Variants in OR2A12 observed in about 807,000 individuals in gnomAD.
OR2A12 encodes the protein olfactory receptor family 2 subfamily A member 12.
For missense variants in OR2A12, 380 were observed against 372.5 expected (o/e 1.02, Z -0.17); for synonymous variants, 153 against 149.3 (o/e 1.02, Z -0.18).
At chr7:144,090,191 G>GT (rs35288486) in intron 1 of OR2A12, among the ~76,000 whole-genome samples, 32,311 of 151,914 alleles carry the variant, frequency 0.21, 4,029 homozygotes, top group African/African-American at 0.34. Flanking sequence ...TTAGATCATT[G>GT]CTTTTACCTT....
chr7:144,093,769 T>G (rs1388015077), intron 1 of OR2A12, among the ~76,000 whole-genome samples: 1 of 151,674 alleles, frequency 6.6e-6, no homozygotes, highest in Non-Finnish European at 1.5e-5. Context: ...AGAATGATGG[T>G]TTCCAGCTTC....
intron 1 of OR2A12, among the ~76,000 whole-genome samples, chr7:144,094,732 A>G (rs887774807): frequency 7.2e-5 from 11 of 152,180 alleles, no homozygotes; most frequent in African/African-American, 2.7e-4. Flanking sequence ...GAAAATAAAG[A>G]TTGGTGAAAA....
chr7:144,091,482 G>A (rs1441122696), intron 1 of OR2A12, among the ~76,000 whole-genome samples: 2 of 152,204 alleles, frequency 1.3e-5, no homozygotes, highest in Admixed American at 1.3e-4. Context: ...CACCAACAGT[G>A]TATAAGTGTT....
chr7:144,089,309 C>T (rs982803283), intron 1 of OR2A12, among the ~76,000 whole-genome samples: 1 of 149,754 alleles, frequency 6.7e-6, no homozygotes, highest in East Asian at 1.9e-4. Flanking sequence ...TGGGGGTGTG[C>T]GTGTGCATGT....
intron 1 of OR2A12, among the ~76,000 whole-genome samples, chr7:144,092,776 TG>T (rs1165369240): frequency 6.6e-6 from 1 of 152,140 alleles, no homozygotes; most frequent in African/African-American, 2.4e-5. Flanking sequence ...AAATGAGTAA[TG>T]AAAAAAATGA....
At chr7:144,087,945 T>A (rs1308319118) in intron 1 of OR2A12, among the ~76,000 whole-genome samples, 1 of 152,224 alleles carries the variant, frequency 6.6e-6, no homozygotes, top group African/African-American at 2.4e-5. Context: ...CGACACAGCA[T>A]AATATTATTT....
chr7:144,092,129 T>G (rs976962437), intron 1 of OR2A12, among the ~76,000 whole-genome samples: 15 of 152,158 alleles, frequency 9.9e-5, no homozygotes, highest in Non-Finnish European at 1.8e-4. Flanking sequence ...CATTGCTTTT[T>G]TCAGTCAGCT....
chr7:144,093,475 T>C (rs1247184624), intron 1 of OR2A12, among the ~76,000 whole-genome samples: 4 of 152,102 alleles, frequency 2.6e-5, no homozygotes, highest in African/African-American at 7.2e-5. Flanking sequence ...AATTGTGTGT[T>C]ATATTTCTCT....
chr7:144,094,915 G>T, intron 1 of OR2A12, 142 bp from the exon 2 acceptor site: 1 of 499,670 alleles, frequency 2.0e-6, no homozygotes, highest in Middle Eastern at 5.1e-4. Flanking sequence ...AATAACTACA[G>T]ATTTTAAATA....
intron 1 of OR2A12, 39 bp from the exon 2 acceptor site, chr7:144,095,018 A>G (rs2051251112): frequency 2.4e-6 from 2 of 844,392 alleles, no homozygotes; most frequent in South Asian, 1.8e-5. Context: ...CATAAAATTC[A>G]TGCTCTATAA....
intron 1 of OR2A12, among the ~76,000 whole-genome samples, chr7:144,091,798 G>T (rs1203017075): frequency 6.6e-6 from 1 of 151,974 alleles, no homozygotes; most frequent in African/African-American, 2.4e-5. Flanking sequence ...CCATTCTGTA[G>T]ATTGTCTATC....
intron 1 of OR2A12, among the ~76,000 whole-genome samples, chr7:144,089,367 TGTTA>T (rs1327786719): frequency 6.6e-6 from 1 of 152,078 alleles, no homozygotes; most frequent in East Asian, 1.9e-4. Context: ...TGTGTGTGTG[TGTTA>T]GAGAGAAAAA....
In OR2A12 at chr7:144,095,819, T is replaced by G; in HGVS notation, c.712T>G (p.Ser238Ala). The G allele has an allele frequency of 6.2e-7, 1 of 1,614,170 alleles. No individual in the cohort carries two copies. Among genetic ancestry groups the G allele is most frequent in the Non-Finnish European group, 8.5e-7 (1 of 1,180,024 alleles). The stretch of plus-strand genomic sequence containing the variant: ...TGGGGAGGGCCGCAGAAAGGCCTTC[T>G]CTACCTGCTCCTCCCACCTCTGCGT... ...QSGEGRRKAF[S>A]TCSSHLCVVG... The change falls in exon 2 of 2, where the codon TCT (serine) becomes GCT (alanine). Residue 238 changes from serine (S) to alanine (A), a missense_variant. Ser to Ala is a moderately conservative substitution (Grantham distance 99). Coordinates refer to ENST00000641592, the MANE Select transcript of OR2A12 (RefSeq NM_001004135.2).
At position 144,096,141 on chromosome 7, in the gene OR2A12, T is replaced by C. The variant is rs926746950; in HGVS notation, c.*101T>C. Reference sequence around the variant, plus strand: ...TTTAATTTACCACACCCAATACTGTTTATCTTTAGACTTCTTATAAAAAGA... The same window carrying C: ...TTTAATTTACCACACCCAATACTGTCTATCTTTAGACTTCTTATAAAAAGA... On this transcript the variant is annotated 3_prime_UTR_variant, in exon 2 of 2. Transcript: ENST00000641592. 5 of 871,794 alleles carry C rather than the reference T, an allele frequency of 5.7e-6. No individual in the cohort carries two copies. In the Admixed American group the frequency reaches 7.2e-5, roughly 13 times the overall value. The allele number at this position is 871,794 out of a possible 1,614,324, so 54.0% of individuals were successfully genotyped here. A position where few individuals can be genotyped will look rare whatever the true frequency, so the allele number is the denominator to read the frequency against.
chr7:144,089,575 T>G (rs2051214325), intron 1 of OR2A12, among the ~76,000 whole-genome samples: 1 of 152,190 alleles, frequency 6.6e-6, no homozygotes, highest in African/African-American at 2.4e-5. Context: ...TGCTTTTTTT[T>G]CTTTTTTGGC....
Position 144,096,002 on chromosome 7 carries a change from G to A in OR2A12, c.895G>A (p.Ala299Thr), listed in dbSNP as rs746478286. 5 of 1,607,254 alleles carry A rather than the reference G, an allele frequency of 3.1e-6. No homozygotes were observed. Among genetic ancestry groups the A allele is most frequent in the Non-Finnish European group, 3.4e-6 (4 of 1,177,364 alleles). ...YSLRNAEVKG[A>T]LKRVLWKQRS... ...CCTTAGGAATGCAGAGGTGAAAGGG[G>A]CTCTAAAGAGAGTCCTTTGGAAACA... Residue 299 changes from alanine to threonine, a missense_variant, in exon 2 of 2, where the codon GCT becomes ACT. Ala to Thr is a moderately conservative substitution (Grantham distance 58). Transcript: ENST00000641592.
chr7:144,093,515 A>C (rs1314415007), intron 1 of OR2A12, among the ~76,000 whole-genome samples: 1 of 151,866 alleles, frequency 6.6e-6, no homozygotes, highest in Admixed American at 6.6e-5. Context: ...TTTAGGGTAC[A>C]TGTGCACAAC....
chr7:144,093,136 T>C (rs539068091), intron 1 of OR2A12, among the ~76,000 whole-genome samples: 33 of 152,338 alleles, frequency 2.2e-4, no homozygotes, highest in African/African-American at 7.7e-4. Context: ...TTCAATTTGC[T>C]TGAGTATAAA....
chr7:144,097,143 A>G lies in OR2A12; in HGVS notation c.*1103A>G, dbSNP rs1182576389. 6.6e-6 allele frequency: 1 copy of G among 152,176 alleles called. No individual in the cohort carries two copies. Among genetic ancestry groups the G allele is most frequent in the Non-Finnish European group, 1.5e-5 (1 of 68,042 alleles). 9.4% of individuals were successfully genotyped at this position (152,176 alleles called of 1,614,324 possible). On this transcript the variant is annotated 3_prime_UTR_variant, in exon 2 of 2. Coordinates refer to ENST00000641592, the MANE Select transcript of OR2A12 (RefSeq NM_001004135.2). ...CATTACTGTATATGTAGGAAATTCA[A>G]AAGAATTATAAGAAATTTTAAAGTA...
Sources: gnomAD v4.1 joint callset for allele counts (sites outside exome capture counted in the v4.1 genomes callset) on GRCh38, gnomAD v4.1.1 for gene constraint, MANE v1.5 for transcripts, NCBI Gene and HGNC (gene_info 2026-07-23, HGNC 2026-07-21) for gene names.